CDH8: variants seen among roughly 807,000 people sequenced by gnomAD.
The protein encoded by CDH8 is cadherin-8.
In CDH8, 17 loss-of-function variants were observed where a neutral mutation model predicts 68.1. The observed-to-expected ratio is 0.25, with a 90% CI of 0.17 to 0.37. The LOEUF is 0.37. Ranked by LOEUF, CDH8 falls within the 10% of genes least tolerant of loss-of-function variation. The pLI is 1.00. For missense variants in CDH8, 763 were observed against 999.3 expected (o/e 0.76, Z 3.19); for synonymous variants, 372 against 365.1 (o/e 1.02, Z -0.21).
intron 3 of CDH8, among the ~76,000 whole-genome samples, chr16:61,880,495 G>A (rs1415039511): frequency 6.6e-6 from 1 of 152,160 alleles, no homozygotes; most frequent in Non-Finnish European, 1.5e-5. Flanking sequence ...CATTAAGCTG[G>A]AACTTGTCAT....
At chr16:61,862,307 T>C (rs533715941) in intron 3 of CDH8, among the ~76,000 whole-genome samples, 1 of 152,294 alleles carries the variant, frequency 6.6e-6, no homozygotes, top group Non-Finnish European at 1.5e-5. Flanking sequence ...GCTTATACAT[T>C]AAGCAGGAGG....
At chr16:61,680,040 G>A (rs1963984631) in intron 10 of CDH8, among the ~76,000 whole-genome samples, 1 of 151,898 alleles carries the variant, frequency 6.6e-6, no homozygotes, top group Non-Finnish European at 1.5e-5. Flanking sequence ...CAATTCTGGT[G>A]ATCTTTTCAC....
intron 8 of CDH8, among the ~76,000 whole-genome samples, chr16:61,753,864 A>G (rs1960238952): frequency 6.6e-6 from 1 of 152,166 alleles, no homozygotes; most frequent in Admixed American, 6.6e-5. Context: ...ATAATAAGTA[A>G]TAAGGAAAAA....
At chr16:61,783,485 A>G (rs1416970088) in intron 8 of CDH8, among the ~76,000 whole-genome samples, 1 of 151,948 alleles carries the variant, frequency 6.6e-6, no homozygotes, top group Non-Finnish European at 1.5e-5. Flanking sequence ...AGTGATGGGG[A>G]GAATGGAACC....
intron 2 of CDH8, among the ~76,000 whole-genome samples, chr16:61,975,032 T>C (rs753267711): frequency 6.6e-6 from 1 of 152,146 alleles, no homozygotes; most frequent in Non-Finnish European, 1.5e-5. Context: ...ACTCTCTTTA[T>C]AGGAAAAAAG....
rs1384330365 is a variant in CDH8 at position 62,036,311 on chromosome 16, C to T, written c.-431G>A. 6.5e-6 allele frequency: 1 copy of T among 152,972 alleles called. No individual in the cohort carries two copies. The highest frequency in any genetic ancestry group is 1.5e-5 in the Non-Finnish European group (1 of 68,692). 9.5% of individuals were successfully genotyped at this position (152,972 alleles called of 1,614,324 possible). A position where few individuals can be genotyped will look rare whatever the true frequency, so the allele number is the denominator to read the frequency against. On this transcript the variant is annotated 5_prime_UTR_variant, in exon 1 of 12. Coordinates refer to ENST00000577390, the MANE Select transcript of CDH8 (RefSeq NM_001796.5). ...CCAAAGTGCAGCTGGTGTCTTGACG[C>T]TACCGTCTATGCACAAGCCGGCGGC...
At chr16:61,792,538 C>T (rs16963958) in intron 7 of CDH8, among the ~76,000 whole-genome samples, 6,556 of 151,988 alleles carry the variant, frequency 0.043, 394 homozygotes, top group East Asian at 0.24. Context: ...AAGCACAGTG[C>T]TAGATTCCTT....
intron 8 of CDH8, among the ~76,000 whole-genome samples, chr16:61,773,480 G>A (rs2142988613): frequency 6.6e-6 from 1 of 152,198 alleles, no homozygotes; most frequent in African/African-American, 2.4e-5. Flanking sequence ...TTTGTGTATT[G>A]TTTATAAAAT....
intron 3 of CDH8, among the ~76,000 whole-genome samples, chr16:61,891,278 C>G (rs1963772398): frequency 1.3e-5 from 2 of 151,990 alleles, no homozygotes; most frequent in Admixed American, 1.3e-4. Flanking sequence ...TACAAATGAG[C>G]AAATGTTAAA....
chr16:61,829,107 T>C (rs927051701), intron 4 of CDH8, among the ~76,000 whole-genome samples: 5 of 151,816 alleles, frequency 3.3e-5, no homozygotes, highest in Non-Finnish European at 7.4e-5. Context: ...TTTGTTAGGC[T>C]CCACCAATAT....
At chr16:61,756,649 C>T (rs887656725) in intron 8 of CDH8, among the ~76,000 whole-genome samples, 1 of 152,138 alleles carries the variant, frequency 6.6e-6, no homozygotes, top group African/African-American at 2.4e-5. Flanking sequence ...AAATAGAGAA[C>T]ATATTTTTTT....
intron 4 of CDH8, among the ~76,000 whole-genome samples, chr16:61,845,496 G>C (rs1388121687): frequency 9.1e-6 from 1 of 110,152 alleles, no homozygotes; most frequent in African/African-American, 3.6e-5. Flanking sequence ...AAACTCTCCA[G>C]ATATGTAAAA....
intron 2 of CDH8, among the ~76,000 whole-genome samples, chr16:61,977,051 T>C (rs759260206): frequency 6.6e-6 from 1 of 152,122 alleles, no homozygotes; most frequent in Non-Finnish European, 1.5e-5. Flanking sequence ...ATGAAGAGCA[T>C]ACAATCACGG....
intron 7 of CDH8, among the ~76,000 whole-genome samples, chr16:61,803,685 A>C (rs1324008551): frequency 2.7e-5 from 4 of 150,926 alleles, no homozygotes; most frequent in African/African-American, 9.8e-5. Context: ...CTGATAAAAC[A>C]GACTTTAAAC....
intron 10 of CDH8, among the ~76,000 whole-genome samples, chr16:61,661,886 G>C (rs984642852): frequency 6.6e-6 from 1 of 151,240 alleles, no homozygotes; most frequent in African/African-American, 2.4e-5. Flanking sequence ...AAAAATCTTA[G>C]TACACTAATG....
chr16:61,954,628 G>A, intron 2 of CDH8, among the ~76,000 whole-genome samples: 1 of 150,640 alleles, frequency 6.6e-6, no homozygotes, highest in East Asian at 2.0e-4. Context: ...CGTGAACCCG[G>A]AGGCAGAGCT....
At chr16:61,655,858 T>A in intron 10 of CDH8, 137 bp from the exon 11 acceptor site, 1 of 712,870 alleles carries the variant, frequency 1.4e-6, no homozygotes. Context: ...GCTTTTTCCC[T>A]GACTCGTCTC....
At chr16:61,783,145 C>T (rs1330092948) in intron 8 of CDH8, among the ~76,000 whole-genome samples, 15 of 139,286 alleles carry the variant, frequency 1.1e-4, no homozygotes, top group East Asian at 6.2e-4. Flanking sequence ...CTCTGAGCTA[C>T]GGGAGGACAT....
At chr16:61,730,550 TA>T (rs1165997549) in intron 8 of CDH8, among the ~76,000 whole-genome samples, 1 of 151,576 alleles carries the variant, frequency 6.6e-6, no homozygotes, top group African/African-American at 2.4e-5. Context: ...AACTAGGAAC[TA>T]AATTTGGAAC....
Sources: gnomAD v4.1 joint callset for allele counts (sites outside exome capture counted in the v4.1 genomes callset) on GRCh38, gnomAD v4.1.1 for gene constraint, MANE v1.5 for transcripts, NCBI Gene and HGNC (gene_info 2026-07-23, HGNC 2026-07-21) for gene names.